The following CPB2 variants were observed in gnomAD, a reference collection of about 807,000 sequenced individuals.
The protein encoded by CPB2 is carboxypeptidase B2, also known as carboxypeptidase B-like protein.
CPB2 carries 54 observed loss-of-function variants against 57.0 expected under a neutral mutation model. The ratio of observed to expected loss-of-function variants is 0.95; its 90% confidence interval spans 0.76 to 1.19. The LOEUF is 1.19. CPB2 is among the 50% of genes most tolerant of loss of function. The pLI, the probability that CPB2 is intolerant of heterozygous loss-of-function variation, is 0.00. For missense variants in CPB2, 426 were observed against 512.0 expected, an observed-to-expected ratio of 0.83 and a Z score of 1.62; for synonymous variants, 189 against 178.1, an observed-to-expected ratio of 1.06 and a Z score of -0.49.
chr13:46,053,775 C>A lies in CPB2; in HGVS notation c.1111G>T (p.Asp371Tyr). Residue 371 changes from aspartate (D) to tyrosine (Y), a missense_variant, in exon 11 of 11, where the codon GAT becomes TAT. Coordinates refer to ENST00000181383, the MANE Select transcript of CPB2 (RefSeq NM_001872.5). Reference sequence around the variant, plus strand: ...TTGATGCCCAAATCATAGATCCAATCGTCCCCACCTCCAGGAGCTAGGTCT... The same window carrying A: ...TTGATGCCCAAATCATAGATCCAATAGTCCCCACCTCCAGGAGCTAGGTCT... ...TLYLAPGGGD[D>Y]WIYDLGIKYS... 6.2e-7 allele frequency: 1 copy of A among 1,613,974 alleles called. No individual in the cohort carries two copies.
chr13:46,070,861 T>A (rs1243040803), intron 6 of CPB2, among the ~76,000 whole-genome samples: 1 of 152,224 alleles, frequency 6.6e-6, no homozygotes. Flanking sequence ...CAAAATTGTA[T>A]GTCAGCCTAA....
In CPB2 at chr13:46,064,901, G is replaced by T. The variant is rs527647332; in HGVS notation, c.703-160C>A. 1.1e-4 allele frequency among the ~76,000 whole-genome samples: 17 copies of T among 152,204 alleles called. No homozygotes were observed. In the East Asian group the frequency reaches 3.3e-3, roughly 29 times the overall value. On this transcript the variant is annotated intron_variant, in intron 7 of 10. Coordinates refer to ENST00000181383, the MANE Select transcript of CPB2 (RefSeq NM_001872.5). ...ATCACTGTTGTTGCAATATTCCTTT[G>T]CACGGTCCCTATTGCTATCCGGGTT... is the stretch of plus-strand genomic sequence containing the variant.
intron 6 of CPB2, among the ~76,000 whole-genome samples, chr13:46,072,167 C>T (rs2044952270): frequency 6.6e-6 from 1 of 152,100 alleles, no homozygotes; most frequent in South Asian, 2.1e-4. Flanking sequence ...TCAAGCTTCT[C>T]AAAGTGTAGT....
At chr13:46,102,651 G>A (rs1427715618) in intron 1 of CPB2, among the ~76,000 whole-genome samples, 2 of 143,190 alleles carry the variant, frequency 1.4e-5, no homozygotes, top group Admixed American at 1.4e-4. Flanking sequence ...ATTTATCAAA[G>A]TCTGTTGCCC....
At chr13:46,097,955 T>C (rs1026107315) in intron 1 of CPB2, among the ~76,000 whole-genome samples, 30 of 152,228 alleles carry the variant, frequency 2.0e-4, no homozygotes, top group African/African-American at 7.0e-4. Context: ...AGTTTCCTCA[T>C]GCTGATTGAT....
At chr13:46,092,124 A>G (rs1371789489) in intron 1 of CPB2, among the ~76,000 whole-genome samples, 1 of 152,236 alleles carries the variant, frequency 6.6e-6, no homozygotes, top group Non-Finnish European at 1.5e-5. Flanking sequence ...TAAATTAGAA[A>G]AAATGCTTCC....
At position 46,082,561 on chromosome 13, in the gene CPB2, A is replaced by C; in HGVS notation, c.276-12T>G. The C allele has an allele frequency of 6.4e-7, 1 of 1,564,148 alleles. No individual in the cohort carries two copies. The highest frequency in any genetic ancestry group is 8.8e-7 in the Non-Finnish European group (1 of 1,134,934). ...CTGCCAGCAAGACACTAGGTGATGA[A>C]ACAGAGAGTGAGCTAGTTTCCAAGC... On this transcript the variant is annotated splice_polypyrimidine_tract_variant and intron_variant, in intron 3 of 10. Coordinates refer to ENST00000181383, the MANE Select transcript of CPB2 (RefSeq NM_001872.5).
At chr13:46,088,700 AT>A (rs1201953020) in intron 1 of CPB2, among the ~76,000 whole-genome samples, 1 of 152,114 alleles carries the variant, frequency 6.6e-6, no homozygotes, top group Admixed American at 6.5e-5. Context: ...TTGCAATCAA[AT>A]TTTTATGAAA....
intron 2 of CPB2, among the ~76,000 whole-genome samples, chr13:46,087,045 A>G (rs1428068596): frequency 1.3e-5 from 2 of 152,174 alleles, no homozygotes; most frequent in Non-Finnish European, 1.5e-5. Flanking sequence ...GAGTGCAGAA[A>G]TGCCTGGGTC....
intron 6 of CPB2, among the ~76,000 whole-genome samples, chr13:46,069,339 T>C (rs1254131427): frequency 6.6e-6 from 1 of 152,198 alleles, no homozygotes; most frequent in Non-Finnish European, 1.5e-5. Flanking sequence ...CTTATTGAGA[T>C]ATAATTTACA....
At chr13:46,104,254 TAA>T (rs979187530) in intron 1 of CPB2, among the ~76,000 whole-genome samples, 1 of 152,030 alleles carries the variant, frequency 6.6e-6, no homozygotes, top group African/African-American at 2.4e-5. Flanking sequence ...GGGGAAAAAA[TAA>T]GATAATTCCA....
chr13:46,079,220 T>C (rs1452185932), intron 4 of CPB2, among the ~76,000 whole-genome samples: 2 of 152,308 alleles, frequency 1.3e-5, no homozygotes, highest in Middle Eastern at 3.4e-3. Context: ...CCCCTGTGTA[T>C]GAAATTCTTG....
chr13:46,057,374 T>C (rs935193446), intron 9 of CPB2, among the ~76,000 whole-genome samples: 2 of 152,200 alleles, frequency 1.3e-5, no homozygotes, highest in Admixed American at 6.5e-5. Flanking sequence ...GCTCCTGTAA[T>C]GTGACTATAT....
chr13:46,102,748 T>C (rs1372364426), intron 1 of CPB2, among the ~76,000 whole-genome samples: 1 of 152,098 alleles, frequency 6.6e-6, no homozygotes, highest in Non-Finnish European at 1.5e-5. Context: ...AAAAAATTTA[T>C]TTTTACTCAC....
chr13:46,057,315 T>C (rs1254683203), intron 9 of CPB2, among the ~76,000 whole-genome samples: 1 of 152,230 alleles, frequency 6.6e-6, no homozygotes, highest in African/African-American at 2.4e-5. Context: ...CTAAATGGGC[T>C]ATTTTCAGAG....
At chr13:46,092,437 T>C (rs2045307141) in intron 1 of CPB2, among the ~76,000 whole-genome samples, 1 of 152,200 alleles carries the variant, frequency 6.6e-6, no homozygotes, top group South Asian at 2.1e-4. Flanking sequence ...TTAGGGTATA[T>C]TGGGTGAGGG....
intron 7 of CPB2, 147 bp downstream of exon 7, chr13:46,067,160 A>G: frequency 2.0e-6 from 1 of 510,348 alleles, no homozygotes; most frequent in South Asian, 3.3e-5. Context: ...GCACTTATAT[A>G]TATATTTGAC....
At chr13:46,075,893 A>T (rs140805485) in intron 5 of CPB2, among the ~76,000 whole-genome samples, 1 of 152,200 alleles carries the variant, frequency 6.6e-6, no homozygotes, top group Admixed American at 6.5e-5. Flanking sequence ...GGCTGTGGCT[A>T]TGTTCACTGA....
chr13:46,062,183 C>T (rs184861374), intron 8 of CPB2, among the ~76,000 whole-genome samples: 1 of 151,952 alleles, frequency 6.6e-6, no homozygotes, highest in Non-Finnish European at 1.5e-5. Context: ...ACTTGGCTAT[C>T]CAAATTAAAT....
Sources: allele counts gnomAD v4.1 joint callset (sites outside exome capture counted in the v4.1 genomes callset), GRCh38; gene constraint gnomAD v4.1.1; transcripts MANE v1.5; gene names NCBI Gene and HGNC (gene_info 2026-07-23, HGNC 2026-07-21).